The following CDK5RAP2 variants were observed in gnomAD, a reference collection of about 807,000 sequenced individuals.
The protein encoded by CDK5RAP2 is CDK5 regulatory subunit-associated protein 2.
Under a neutral mutation model 232.9 loss-of-function variants are expected in CDK5RAP2, and 147 were observed. The ratio of observed to expected loss-of-function variants is 0.63; its 90% CI spans 0.55 to 0.72. The LOEUF (loss-of-function observed/expected upper bound fraction) is 0.72, where lower values mean the gene tolerates loss of function less well. CDK5RAP2 is among the 30% of genes least tolerant of loss of function. CDK5RAP2 has a pLI of 0.00. For missense variants in CDK5RAP2, 2,195 were observed against 2,231.5 expected, an observed-to-expected ratio of 0.98 and a Z score of 0.33; for synonymous variants, 833 against 833.7, an observed-to-expected ratio of 1.00 and a Z score of 0.01.
chr9:120,549,553 T>C (rs2041974926), intron 4 of CDK5RAP2, among the ~76,000 whole-genome samples: 1 of 152,066 alleles, frequency 6.6e-6, no homozygotes. Context: ...TGACATCAGG[T>C]GGGTTACTCA....
At chr9:120,571,004 C>T (rs2042834837) in intron 2 of CDK5RAP2, among the ~76,000 whole-genome samples, 2 of 152,174 alleles carry the variant, frequency 1.3e-5, no homozygotes, top group South Asian at 4.2e-4. Flanking sequence ...GCAAAAAATA[C>T]AAAAATTAGC....
chr9:120,520,281 G>A (rs532116196), intron 11 of CDK5RAP2, among the ~76,000 whole-genome samples: 10 of 152,192 alleles, frequency 6.6e-5, no homozygotes, highest in Middle Eastern at 6.8e-3. Context: ...ACAGTGGCTC[G>A]CTGCCTGTAA....
Position 120,487,422 on chromosome 9 carries a change from C to G in CDK5RAP2, c.1498G>C (p.Asp500His), listed in dbSNP as rs777982872. 8.1e-6 allele frequency: 13 copies of G among 1,606,610 alleles called. No homozygotes were observed. Among genetic ancestry groups the G allele is most frequent in the Non-Finnish European group, 1.1e-5 (13 of 1,177,472 alleles). ...CAGTTCTGCTGTATTACTTCCAAATCTTTTTCATTGAATTTCTAATGAAAT... is the reference window on the plus strand; with the variant it reads ...CAGTTCTGCTGTATTACTTCCAAATGTTTTTCATTGAATTTCTAATGAAAT... ...DVLLQKFNEKDLEVIQQNCYL... is the reference protein window; with the variant it reads ...DVLLQKFNEKHLEVIQQNCYL... Residue 500 changes from aspartate to histidine, a missense_variant, in exon 14 of 38, where the codon GAT becomes CAT. Coordinates refer to ENST00000349780, the MANE Select transcript of CDK5RAP2 (RefSeq NM_018249.6).
intron 1 of CDK5RAP2, among the ~76,000 whole-genome samples, chr9:120,573,932 T>C (rs1243292156): frequency 6.6e-6 from 1 of 152,218 alleles, no homozygotes; most frequent in Non-Finnish European, 1.5e-5. Context: ...ACCAGGTTAT[T>C]GGCCAAGCTC....
At chr9:120,506,725 G>A (rs955394925) in intron 12 of CDK5RAP2, among the ~76,000 whole-genome samples, 2 of 152,202 alleles carry the variant, frequency 1.3e-5, no homozygotes, top group African/African-American at 2.4e-5. Context: ...TAGAAGTGGG[G>A]TCTAAAGATG....
At position 120,409,267 on chromosome 9, in the gene CDK5RAP2, G is replaced by C. The variant is rs751414273; in HGVS notation, c.4464C>G (p.Thr1488=). The part of the protein sequence containing the change: ...DKLRESLSRK[T]VSLEHLQREY... ...CCCGCTGAAGGTGCTCCAGGCTCAC[G>C]GTCTTCCTGGAGAGGGACTCTCGTA... Residue 1488 remains threonine (T), a synonymous_variant, in exon 30 of 38, where the codon ACC becomes ACG. Coordinates refer to ENST00000349780, the MANE Select transcript of CDK5RAP2 (RefSeq NM_018249.6). 6.2e-7 allele frequency: 1 copy of C among 1,612,948 alleles called. No individual in the cohort carries two copies. Among genetic ancestry groups the C allele is most frequent in the South Asian group, 1.1e-5 (1 of 90,932 alleles).
At chr9:120,470,637 G>A (rs1021777475) in intron 16 of CDK5RAP2, among the ~76,000 whole-genome samples, 7 of 151,464 alleles carry the variant, frequency 4.6e-5, no homozygotes, top group Admixed American at 3.9e-4. Context: ...AGATAAAAGT[G>A]TCTGATCATT....
chr9:120,390,725 C>T (rs1416788230), intron 36 of CDK5RAP2, among the ~76,000 whole-genome samples: 1 of 152,170 alleles, frequency 6.6e-6, no homozygotes, highest in Non-Finnish European at 1.5e-5. Flanking sequence ...GCTTCTGGAG[C>T]CGCGCCTTTA....
intron 35 of CDK5RAP2, among the ~76,000 whole-genome samples, chr9:120,398,409 AT>A (rs2032710120): frequency 6.6e-6 from 1 of 152,164 alleles, no homozygotes; most frequent in African/African-American, 2.4e-5. Context: ...AAGAGTTTAA[AT>A]TTTTTTCTTG....
At chr9:120,455,452 G>A (rs2036715816) in intron 20 of CDK5RAP2, among the ~76,000 whole-genome samples, 2 of 151,748 alleles carry the variant, frequency 1.3e-5, no homozygotes, top group South Asian at 2.1e-4. Flanking sequence ...TCAGAAAGGT[G>A]ACTCCAGGCC....
Position 120,477,463 on chromosome 9 carries a change from A to C in CDK5RAP2, c.1627-13T>G. 6.3e-7 allele frequency: 1 copy of C among 1,584,454 alleles called. No individual in the cohort carries two copies. The highest frequency in any genetic ancestry group is 8.7e-7 in the Non-Finnish European group (1 of 1,153,648). On this transcript the variant is annotated splice_polypyrimidine_tract_variant and intron_variant, in intron 14 of 37. Transcript: ENST00000349780. Reference sequence around the variant, plus strand: ...ATTGTTTCTTTTCCTGGAAATGACAATGGGCATTTGACATTAAGGAAAGAA... The same window carrying C: ...ATTGTTTCTTTTCCTGGAAATGACACTGGGCATTTGACATTAAGGAAAGAA...
chr9:120,463,524 C>T (rs577214349), intron 18 of CDK5RAP2, among the ~76,000 whole-genome samples: 7 of 152,250 alleles, frequency 4.6e-5, no homozygotes, highest in African/African-American at 1.4e-4. Context: ...TCCCCAAAGA[C>T]CTTGTTGTAT....
intron 27 of CDK5RAP2, among the ~76,000 whole-genome samples, chr9:120,417,350 G>A (rs945833907): frequency 4.6e-5 from 7 of 151,918 alleles, no homozygotes; most frequent in Non-Finnish European, 7.4e-5. Context: ...TGGCGCCCAC[G>A]GCACTGCACC....
intron 12 of CDK5RAP2, among the ~76,000 whole-genome samples, chr9:120,503,385 G>C (rs1588504315): frequency 6.6e-6 from 1 of 152,156 alleles, no homozygotes; most frequent in African/African-American, 2.4e-5. Flanking sequence ...CTGAAGAAGA[G>C]TGCTGCCATG....
chr9:120,491,350 T>G lies in CDK5RAP2; in HGVS notation c.1439A>C (p.Lys480Thr). Residue 480 changes from lysine to threonine, a missense_variant, in exon 13 of 38, where the codon AAA (lysine) becomes ACA (threonine). By Grantham distance (78) the Lys-to-Thr change is moderately conservative. Transcript: ENST00000349780. ...KKLHNQEQVI[K>T]HLTESTNQKD... ...CTGATTGGTACTTTCTGTTAGATGT[T>G]TGATCACTTGCTCTTGATTGTGCAA... The G allele has an allele frequency of 6.2e-7, 1 of 1,613,674 alleles. No individual in the cohort carries two copies. The highest frequency in any genetic ancestry group is 1.1e-5 in the South Asian group (1 of 91,026).
At chr9:120,469,658 C>T (rs543017079) in intron 17 of CDK5RAP2, among the ~76,000 whole-genome samples, 36 of 152,288 alleles carry the variant, frequency 2.4e-4, no homozygotes, top group African/African-American at 8.7e-4. Flanking sequence ...ATTCAAAATG[C>T]ATCTATTATT....
intron 12 of CDK5RAP2, among the ~76,000 whole-genome samples, chr9:120,515,888 T>C (rs1487543016): frequency 6.6e-6 from 1 of 152,198 alleles, no homozygotes; most frequent in Non-Finnish European, 1.5e-5. Context: ...GGAGAGGATG[T>C]GGAGAAATAG....
chr9:120,491,429 C>G lies in CDK5RAP2; in HGVS notation c.1360G>C (p.Glu454Gln). 1 of 1,612,260 alleles carries G rather than the reference C, an allele frequency of 6.2e-7. No homozygotes were observed. Among genetic ancestry groups the G allele is most frequent in the South Asian group, 1.1e-5 (1 of 90,988 alleles). ...TTGTAACGATTTTCCATTGCTTTCTCTCTTTCATTCACTTCATTGCGTAAT... is the reference window on the plus strand; with the variant it reads ...TTGTAACGATTTTCCATTGCTTTCTGTCTTTCATTCACTTCATTGCGTAAT... ...EKLRNEVNER[E>Q]KAMENRYKSL... Residue 454 changes from glutamate to glutamine, a missense_variant, in exon 13 of 38, where the codon GAG becomes CAG. By Grantham distance (29) the Glu-to-Gln change is conservative. Transcript: ENST00000349780.
intron 36 of CDK5RAP2, among the ~76,000 whole-genome samples, chr9:120,391,510 G>A (rs575807579): frequency 3.5e-4 from 53 of 152,324 alleles, no homozygotes; most frequent in African/African-American, 1.3e-3. Context: ...TGTTGACCTG[G>A]TGACAGGTGG....
Sources: gnomAD v4.1 joint callset for allele counts (sites outside exome capture counted in the v4.1 genomes callset) on GRCh38, gnomAD v4.1.1 for gene constraint, MANE v1.5 for transcripts, NCBI Gene and HGNC (gene_info 2026-07-23, HGNC 2026-07-21) for gene names.